Variants in ARID4A observed in about 807,000 individuals in gnomAD.
ARID4A encodes the protein AT-rich interactive domain-containing protein 4A.
A neutral mutation model predicts 148.6 loss-of-function variants in ARID4A; 39 were observed. That is an observed-to-expected ratio of 0.26 (90% CI 0.20 to 0.34). The LOEUF is 0.34. Among genes scored for constraint, ARID4A ranks in the 10% least tolerant of loss-of-function variants. The pLI is 1.00. For synonymous variants in ARID4A, 475 were observed against 481.2 expected (o/e 0.99, Z 0.17); for missense variants, 1,265 against 1,449.1 (o/e 0.87, Z 2.06).
chr14:58,350,100 TAAAAAAAAAAA>T (rs758927898), intron 15 of ARID4A, among the ~76,000 whole-genome samples: 3 of 83,802 alleles, frequency 3.6e-5, no homozygotes, highest in African/African-American at 4.7e-5. Flanking sequence ...GACTCTGTCT[TAAAAAAAAAAA>T]AAAAAAAAAA....
intron 15 of ARID4A, among the ~76,000 whole-genome samples, chr14:58,348,177 T>G (rs937585669): frequency 6.6e-6 from 1 of 152,178 alleles, no homozygotes; most frequent in African/African-American, 2.4e-5. Flanking sequence ...CTTGGTCACC[T>G]TATCTGAAAT....
At chr14:58,317,289 TA>T (rs1448610699) in intron 5 of ARID4A, among the ~76,000 whole-genome samples, 8 of 150,364 alleles carry the variant, frequency 5.3e-5, no homozygotes, top group East Asian at 2.0e-4. Flanking sequence ...TCTTCTTTTT[TA>T]TTTTTTTTTT....
Position 58,301,640 on chromosome 14 carries a change from G to A in ARID4A, c.67G>A (p.Ala23Thr), listed in dbSNP as rs553092240. 2 of 1,614,058 alleles carry A rather than the reference G, an allele frequency of 1.2e-6. No homozygotes were observed. The highest frequency in any genetic ancestry group is 1.1e-5 in the South Asian group (1 of 91,070). The change falls in exon 3 of 24, where the codon GCC becomes ACC. Residue 23 changes from alanine to threonine, a missense_variant. Coordinates refer to ENST00000355431, the MANE Select transcript of ARID4A (RefSeq NM_002892.4). The part of the protein sequence containing the change: ...GTDVSAKYRG[A>T]FCEAKIKTVK... ...CGATGTCAGTGCCAAGTACCGAGGT[G>A]CCTTCTGTGAGGCAAAGATTAAGAC... is the stretch of plus-strand genomic sequence containing the variant.
intron 1 of ARID4A, among the ~76,000 whole-genome samples, chr14:58,298,955 C>G (rs898496840): frequency 2.0e-5 from 3 of 152,182 alleles, no homozygotes; most frequent in African/African-American, 4.8e-5. Flanking sequence ...TGGGGCTGGC[C>G]GCGCCGCTAA....
chr14:58,357,287 G>A (rs948352391), intron 17 of ARID4A, among the ~76,000 whole-genome samples: 2 of 152,118 alleles, frequency 1.3e-5, no homozygotes, highest in African/African-American at 4.8e-5. Flanking sequence ...TTTTCGACAG[G>A]ATATTTTCAA....
chr14:58,330,100 T>C lies in ARID4A; in HGVS notation c.837T>C (p.Asp279=), dbSNP rs766127659. Residue 279 remains aspartate, a synonymous_variant, in exon 11 of 24, where the codon GAT becomes GAC. Transcript: ENST00000355431. ...TCCTTGAGTCATCCAGTAGTGATGA[T>C]GAAGATGGCCCAGCTGAAGAAAATG... ...SEILESSSSD[D]EDGPAEENDE... is the part of the protein sequence containing the mutation. The C allele has an allele frequency of 6.2e-7, 1 of 1,613,480 alleles. No individual in the cohort carries two copies.
At chr14:58,314,147 G>T (rs1477088423) in intron 5 of ARID4A, among the ~76,000 whole-genome samples, 1 of 152,166 alleles carries the variant, frequency 6.6e-6, no homozygotes, top group East Asian at 1.9e-4. Context: ...GAAAATATAA[G>T]ACATTTCATA....
intron 5 of ARID4A, among the ~76,000 whole-genome samples, chr14:58,314,237 GC>G (rs1305631112): frequency 6.6e-6 from 1 of 152,124 alleles, no homozygotes; most frequent in Non-Finnish European, 1.5e-5. Context: ...AGCTAGACTT[GC>G]TATATACAAC....
chr14:58,369,572 G>A (rs921832605), intron 23 of ARID4A, among the ~76,000 whole-genome samples: 8 of 140,786 alleles, frequency 5.7e-5, no homozygotes, highest in African/African-American at 2.1e-4. Flanking sequence ...CCGAGATCGC[G>A]CCAGTGCACT....
intron 12 of ARID4A, 124 bp from the exon 13 acceptor site, chr14:58,346,287 A>G (rs1445161179): frequency 5.3e-6 from 3 of 561,426 alleles, no homozygotes; most frequent in Admixed American, 6.6e-5. Flanking sequence ...ACATTGTTTA[A>G]GGCTCTTTAA....
At chr14:58,302,074 G>A (rs2140129051) in intron 3 of ARID4A, among the ~76,000 whole-genome samples, 1 of 152,280 alleles carries the variant, frequency 6.6e-6, no homozygotes. Flanking sequence ...AGTTTATTTT[G>A]TGACTGGGCG....
intron 20 of ARID4A, 51 bp from the exon 21 acceptor site, chr14:58,365,467 C>CTTT (rs71107938): frequency 0.015 from 5,228 of 349,782 alleles, 90 homozygotes; most frequent in South Asian, 0.027. Flanking sequence ...TATACTTGCT[C>CTTT]TTTTTTTTTT....
intron 8 of ARID4A, among the ~76,000 whole-genome samples, chr14:58,324,049 C>T (rs562141886): frequency 1.5e-4 from 23 of 151,834 alleles, no homozygotes; most frequent in Non-Finnish European, 2.8e-4. Context: ...GGACAACAGG[C>T]GCCTGCCACC....
At position 58,335,394 on chromosome 14, in the gene ARID4A, A is replaced by G. The variant is rs368800859; in HGVS notation, c.906+5225A>G. On this transcript the variant is annotated intron_variant, in intron 11 of 23. Coordinates refer to ENST00000355431, the MANE Select transcript of ARID4A (RefSeq NM_002892.4). ...AATGGCGTGATCTCGGCTCACCACA[A>G]CCTCCGCCTCCTGGGTTCAAGCAAT... is the stretch of plus-strand genomic sequence containing the variant. 2.7e-5 allele frequency among the ~76,000 whole-genome samples: 4 copies of G among 150,076 alleles called. 1 individual carries two copies.
chr14:58,371,196 G>T (rs1191438512), intron 23 of ARID4A, among the ~76,000 whole-genome samples: 1 of 152,064 alleles, frequency 6.6e-6, no homozygotes, highest in African/African-American at 2.4e-5. Context: ...CAGGAGGGTC[G>T]CTTGAGCCCC....
At chr14:58,326,304 G>C (rs1012920341) in intron 8 of ARID4A, among the ~76,000 whole-genome samples, 1 of 152,218 alleles carries the variant, frequency 6.6e-6, no homozygotes, top group African/African-American at 2.4e-5. Flanking sequence ...AGGCGTGGTG[G>C]TAGGCACCTG....
At chr14:58,353,927 G>A in intron 17 of ARID4A, 72 bp downstream of exon 17, 1 of 1,348,676 alleles carries the variant, frequency 7.4e-7, no homozygotes, top group Non-Finnish European at 1.0e-6. Flanking sequence ...TTAATGTTAT[G>A]AAGAGTGAAA....
At chr14:58,348,447 A>G (rs900151200) in intron 15 of ARID4A, among the ~76,000 whole-genome samples, 4 of 152,206 alleles carry the variant, frequency 2.6e-5, no homozygotes, top group Non-Finnish European at 1.5e-5. Context: ...TGTGCCCTAA[A>G]CTAGATGATA....
intron 7 of ARID4A, among the ~76,000 whole-genome samples, chr14:58,322,201 C>T (rs992893471): frequency 6.6e-6 from 1 of 152,000 alleles, no homozygotes; most frequent in Non-Finnish European, 1.5e-5. Context: ...AACTCCTGAC[C>T]TCAAGGGATC....
Sources: gnomAD v4.1 joint callset for allele counts (sites outside exome capture counted in the v4.1 genomes callset) on GRCh38, gnomAD v4.1.1 for gene constraint, MANE v1.5 for transcripts, NCBI Gene and HGNC (gene_info 2026-07-23, HGNC 2026-07-21) for gene names.